GALNT8: variants seen among roughly 807,000 people sequenced by gnomAD.
GALNT8 encodes the protein probable polypeptide N-acetylgalactosaminyltransferase 8.
In GALNT8, 66 loss-of-function variants were observed where a neutral mutation model predicts 62.7. The observed-to-expected ratio is 1.05, with a 90% CI of 0.86 to 1.29. The LOEUF is 1.29. Ranked by LOEUF, GALNT8 falls within the 50% of genes most tolerant of loss-of-function variation. The probability of loss-of-function intolerance (pLI) is 0.00; values close to 1 mark genes in which losing one functional copy is unlikely to be tolerated. For synonymous variants in GALNT8, 288 were observed against 294.3 expected (o/e 0.98, Z 0.22); for missense variants, 771 against 791.8 (o/e 0.97, Z 0.32).
intron 2 of GALNT8, among the ~76,000 whole-genome samples, chr12:4,729,547 CT>C (rs1946211871): frequency 6.6e-6 from 1 of 152,082 alleles, no homozygotes; most frequent in African/African-American, 2.4e-5. Flanking sequence ...ATTTCTGTTC[CT>C]TGCTTATTTT....
chr12:4,752,578 C>G (rs570729209), intron 6 of GALNT8, among the ~76,000 whole-genome samples: 19 of 150,242 alleles, frequency 1.3e-4, no homozygotes, highest in Non-Finnish European at 2.2e-4. Context: ...TGACTTTGTC[C>G]CCCCACTTTT....
rs1591573051 is a variant in GALNT8, at chr12:4,758,938, G to A, written c.1174-2020G>A. On this transcript the variant is annotated intron_variant, in intron 6 of 10. Transcript: ENST00000252318. ...TTACAGGTGTGCACCACCACACCAG[G>A]CTAATTTTTGTATTTGTAGTAGAGA... Among the ~76,000 whole-genome samples, 3 of 152,010 alleles carry A rather than the reference G, an allele frequency of 2.0e-5. No homozygotes were observed. The East Asian group carries it at 5.8e-4, about 29-fold the overall frequency.
At chr12:4,767,353 AC>A (rs989573278) in intron 10 of GALNT8, among the ~76,000 whole-genome samples, 2 of 152,142 alleles carry the variant, frequency 1.3e-5, no homozygotes, top group Non-Finnish European at 2.9e-5. Flanking sequence ...ATCTGGCACA[AC>A]CCCTAGAACA....
At chr12:4,735,876 C>T (rs940487169) in intron 2 of GALNT8, among the ~76,000 whole-genome samples, 1 of 152,140 alleles carries the variant, frequency 6.6e-6, no homozygotes, top group Non-Finnish European at 1.5e-5. Flanking sequence ...ATGAAAACCT[C>T]CCCAGCTGTA....
intron 10 of GALNT8, 50 bp downstream of exon 10, chr12:4,765,596 T>C: frequency 2.1e-6 from 3 of 1,431,716 alleles, no homozygotes; most frequent in Non-Finnish European, 2.9e-6. Flanking sequence ...TTTTGTTTTG[T>C]TTTGAGACTG....
chr12:4,764,737 A>G (rs1218887787), intron 9 of GALNT8, among the ~76,000 whole-genome samples: 1 of 147,884 alleles, frequency 6.8e-6, no homozygotes, highest in East Asian at 2.1e-4. Flanking sequence ...TTTTTTTAGC[A>G]GAGACGGGGT....
intron 10 of GALNT8, 79 bp downstream of exon 10, chr12:4,765,625 A>G: frequency 9.0e-7 from 1 of 1,114,932 alleles, no homozygotes; most frequent in South Asian, 1.5e-5. Flanking sequence ...TCTGCAGCCC[A>G]GGCTAGAGTG....
At chr12:4,754,670 G>C (rs943194900) in intron 6 of GALNT8, among the ~76,000 whole-genome samples, 56 of 151,858 alleles carry the variant, frequency 3.7e-4, no homozygotes, top group African/African-American at 1.3e-3. Flanking sequence ...ACCCCCAAGA[G>C]ACTGCTTGGT....
chr12:4,727,308 C>G (rs1186526306), intron 2 of GALNT8, among the ~76,000 whole-genome samples: 2 of 151,394 alleles, frequency 1.3e-5, no homozygotes, highest in Non-Finnish European at 2.9e-5. Flanking sequence ...TTTTCTCATT[C>G]TGTGTCTCCC....
chr12:4,767,950 AT>A (rs1426544965), intron 10 of GALNT8, among the ~76,000 whole-genome samples: 1 of 152,202 alleles, frequency 6.6e-6, no homozygotes, highest in Non-Finnish European at 1.5e-5. Flanking sequence ...TATTTTATCT[AT>A]AAGCCTAACA....
At chr12:4,768,404 A>T (rs1016671754) in intron 10 of GALNT8, 2 of 381,272 alleles carry the variant, frequency 5.2e-6, no homozygotes, top group Non-Finnish European at 1.0e-5. Context: ...TCATTTTTTC[A>T]TATCTTTTTT....
chr12:4,747,067 A>C (rs934022937), intron 6 of GALNT8, among the ~76,000 whole-genome samples: 15 of 152,148 alleles, frequency 9.9e-5, no homozygotes, highest in Non-Finnish European at 2.9e-5. Flanking sequence ...TTTAAAACAA[A>C]TTAAATTTTA....
intron 6 of GALNT8, among the ~76,000 whole-genome samples, chr12:4,760,374 A>G (rs904969039): frequency 1.3e-5 from 2 of 152,348 alleles, no homozygotes; most frequent in Non-Finnish European, 1.5e-5. Context: ...AAAAGAGAGC[A>G]TCTCTTGGCA....
At chr12:4,721,629 C>T (rs1031055407) in intron 1 of GALNT8, among the ~76,000 whole-genome samples, 1 of 152,222 alleles carries the variant, frequency 6.6e-6, no homozygotes, top group Non-Finnish European at 1.5e-5. Flanking sequence ...AGGCGGTTTT[C>T]TCCTATCTCA....
intron 6 of GALNT8, among the ~76,000 whole-genome samples, chr12:4,748,725 A>C (rs1484030463): frequency 1.3e-5 from 2 of 152,116 alleles, no homozygotes; most frequent in Admixed American, 6.5e-5. Flanking sequence ...GTTCCACATA[A>C]ATTTTAGAAT....
At chr12:4,769,264 G>A (rs944771451) in intron 10 of GALNT8, among the ~76,000 whole-genome samples, 1 of 152,156 alleles carries the variant, frequency 6.6e-6, no homozygotes. Flanking sequence ...AGTGGGGAGG[G>A]AGTGCTCCCA....
intron 6 of GALNT8, among the ~76,000 whole-genome samples, chr12:4,746,887 T>C (rs1049588187): frequency 6.6e-6 from 1 of 152,108 alleles, no homozygotes; most frequent in Non-Finnish European, 1.5e-5. Context: ...GGTGAAACCT[T>C]GTATCTATTA....
chr12:4,758,219 T>C (rs1325070542), intron 6 of GALNT8, among the ~76,000 whole-genome samples: 2 of 152,158 alleles, frequency 1.3e-5, no homozygotes, highest in Admixed American at 6.5e-5. Context: ...AACATCTAAG[T>C]ACTTATTAGG....
Position 4,745,657 on chromosome 12 carries a change from T to C in GALNT8, c.1058+31T>C, listed in dbSNP as rs1223548719. The C allele has an allele frequency of 2.0e-6, 3 of 1,508,458 alleles. No homozygotes were observed. The South Asian group carries it at 3.4e-5, about 17-fold the overall frequency. The allele number at this position is 1,508,458 out of a possible 1,614,324, so 93.4% of individuals were successfully genotyped here. ...TCTGAGGAGATTCAGGGAACTTGAGTAGCATGTGGGAAGGCAGGAATGAAC... is the reference window on the plus strand; with the variant it reads ...TCTGAGGAGATTCAGGGAACTTGAGCAGCATGTGGGAAGGCAGGAATGAAC... On this transcript the variant is annotated intron_variant, in intron 5 of 10. Transcript: ENST00000252318.
Sources: allele counts gnomAD v4.1 joint callset (sites outside exome capture counted in the v4.1 genomes callset), GRCh38; gene constraint gnomAD v4.1.1; transcripts MANE v1.5; gene names NCBI Gene and HGNC (gene_info 2026-07-23, HGNC 2026-07-21).